PLXNC1: variants seen among roughly 807,000 people sequenced by gnomAD.
PLXNC1 encodes the protein plexin-C1.
PLXNC1 carries 75 observed loss-of-function variants against 178.2 expected under a neutral mutation model. The ratio of observed to expected loss-of-function variants is 0.42; its 90% CI spans 0.35 to 0.51. The LOEUF (loss-of-function observed/expected upper bound fraction) is 0.51. PLXNC1 is among the 20% of genes least tolerant of loss of function. The pLI is 0.02. For synonymous variants in PLXNC1, 790 were observed against 779.9 expected, an observed-to-expected ratio of 1.01 and a Z score of -0.22; for missense variants, 1,503 against 1,984.4, an observed-to-expected ratio of 0.76 and a Z score of 4.61.
intron 24 of PLXNC1, 103 bp downstream of exon 24, chr12:94,294,643 T>C (rs1486326409): frequency 1.6e-6 from 1 of 607,960 alleles, no homozygotes; most frequent in Non-Finnish European, 3.1e-6. Context: ...GATTGAGTTG[T>C]TGCTATGTAA....
In PLXNC1 at chr12:94,185,782, A is replaced by G. The variant is rs549717678; in HGVS notation, c.1339-591A>G. On this transcript the variant is annotated intron_variant, in intron 3 of 30. Coordinates refer to ENST00000258526, the MANE Select transcript of PLXNC1 (RefSeq NM_005761.3). ...CATTGAGTGCCAAACTCCTGCTGAC[A>G]CTCCTGGGGCAGAGCCTTTGTTATT... Among the ~76,000 whole-genome samples, 133 of 151,976 alleles carry G rather than the reference A, an allele frequency of 8.8e-4. 2 individuals carry two copies. The highest frequency in any genetic ancestry group is 3.0e-3 in the African/African-American group (126 of 41,418).
intron 5 of PLXNC1, among the ~76,000 whole-genome samples, chr12:94,212,928 C>T (rs1299984099): frequency 6.6e-6 from 1 of 152,046 alleles, no homozygotes; most frequent in Admixed American, 6.6e-5. Context: ...ACCGTGTTGG[C>T]CAAGATGGTC....
rs1160017485 is a variant in PLXNC1, at chr12:94,251,515, G to T, written c.2868G>T (p.Val956=). ...YFLIVLPVLL[V]IVIFAAVGVT... ...TGATTGTGCTCCCTGTCTTGCTAGTGATTGTCATTTTTGGTAAGTGCCCTG... is the reference window on the plus strand; with the variant it reads ...TGATTGTGCTCCCTGTCTTGCTAGTTATTGTCATTTTTGGTAAGTGCCCTG... The change falls in exon 15 of 31, where the codon GTG becomes GTT. Residue 956 remains valine, a synonymous_variant. Coordinates refer to ENST00000258526, the MANE Select transcript of PLXNC1 (RefSeq NM_005761.3). The T allele has an allele frequency of 1.9e-6, 3 of 1,605,944 alleles. No homozygotes were observed. In the South Asian group the frequency reaches 3.3e-5, roughly 18 times the overall value.
chr12:94,204,588 C>G (rs995989029), intron 4 of PLXNC1, among the ~76,000 whole-genome samples: 7 of 152,194 alleles, frequency 4.6e-5, no homozygotes, highest in Non-Finnish European at 7.4e-5. Context: ...AGTCTGGAGG[C>G]CTTTCATTTG....
intron 22 of PLXNC1, 193 bp downstream of exon 22, chr12:94,279,842 G>C (rs141975647): frequency 2.9e-6 from 2 of 700,540 alleles, no homozygotes; most frequent in African/African-American, 3.5e-5. Flanking sequence ...CTGATTCTTC[G>C]AAGGAAGCAC....
Position 94,243,970 on chromosome 12 carries a change from A to G in PLXNC1, c.2333A>G (p.Asn778Ser), listed in dbSNP as rs146482247. 6.2e-7 allele frequency: 1 copy of G among 1,600,806 alleles called. No homozygotes were observed. Among genetic ancestry groups the G allele is most frequent in the Non-Finnish European group, 8.6e-7 (1 of 1,169,170 alleles). Residue 778 changes from asparagine (N) to serine (S), a missense_variant, in exon 12 of 31, where the codon AAT (asparagine) becomes AGT (serine). Coordinates refer to ENST00000258526, the MANE Select transcript of PLXNC1 (RefSeq NM_005761.3). ...GGQNITMMGR[N>S]FDVIDNLIIS... Reference sequence around the variant, plus strand: ...CAAAATATAACCATGATGGGCAGAAATTTTGATGTAATTGACAACTTAATC... The same window carrying G: ...CAAAATATAACCATGATGGGCAGAAGTTTTGATGTAATTGACAACTTAATC...
chr12:94,149,958 C>T lies in PLXNC1; in HGVS notation c.987C>T (p.Cys329=). 5 of 1,590,680 alleles carry T rather than the reference C, an allele frequency of 3.1e-6. No individual in the cohort carries two copies. The highest frequency in any genetic ancestry group is 4.3e-6 in the Non-Finnish European group (5 of 1,169,618). Residue 329 remains cysteine, a synonymous_variant, in exon 1 of 31, where the codon TGC becomes TGT. Transcript: ENST00000258526. ...GCTCCCCCACCACCACGGCGCTCTG[C>T]CTCTTCAGAATGAGTGAGATCCAGG... is the stretch of plus-strand genomic sequence containing the variant. ...ERRSPTTTAL[C]LFRMSEIQAR...
At chr12:94,285,656 G>A (rs573161152) in intron 23 of PLXNC1, among the ~76,000 whole-genome samples, 1 of 152,236 alleles carries the variant, frequency 6.6e-6, no homozygotes, top group African/African-American at 2.4e-5. Flanking sequence ...GGAAAAACAC[G>A]GCCCCAGAGG....
At chr12:94,263,106 G>A (rs955211046) in intron 20 of PLXNC1, among the ~76,000 whole-genome samples, 1 of 152,176 alleles carries the variant, frequency 6.6e-6, no homozygotes, top group Non-Finnish European at 1.5e-5. Flanking sequence ...AGCGGCTGTG[G>A]CTCGCCTAAA....
chr12:94,207,777 G>A (rs1198745294), intron 4 of PLXNC1, among the ~76,000 whole-genome samples: 1 of 152,182 alleles, frequency 6.6e-6, no homozygotes, highest in Non-Finnish European at 1.5e-5. Context: ...TGGCACTACT[G>A]TTTTCTGCCT....
chr12:94,152,347 T>C (rs571772551), intron 1 of PLXNC1, among the ~76,000 whole-genome samples: 1 of 152,336 alleles, frequency 6.6e-6, no homozygotes, highest in Admixed American at 6.5e-5. Context: ...GATACTCAAT[T>C]CAACAAATAT....
chr12:94,253,159 C>T (rs901388088), intron 15 of PLXNC1, among the ~76,000 whole-genome samples: 6 of 127,976 alleles, frequency 4.7e-5, no homozygotes, highest in Admixed American at 1.1e-4. Context: ...TGCAGTGAGC[C>T]GAGATCGTGC....
intron 4 of PLXNC1, among the ~76,000 whole-genome samples, chr12:94,197,084 G>C (rs1962942684): frequency 1.3e-5 from 2 of 152,130 alleles, no homozygotes; most frequent in African/African-American, 4.8e-5. Flanking sequence ...CTTGGCTCAT[G>C]GTCCCTTCCT....
intron 6 of PLXNC1, among the ~76,000 whole-genome samples, chr12:94,223,713 A>G (rs1963857725): frequency 1.3e-5 from 2 of 152,228 alleles, no homozygotes; most frequent in Admixed American, 1.3e-4. Context: ...GAAAACCTTT[A>G]TCACAGATTT....
chr12:94,302,590 A>C (rs1968571766), intron 28 of PLXNC1, among the ~76,000 whole-genome samples: 1 of 152,202 alleles, frequency 6.6e-6, no homozygotes, highest in South Asian at 2.1e-4. Context: ...TATGTTCTTG[A>C]CACACTTCAC....
In PLXNC1 at chr12:94,254,743, T is replaced by C. The variant is rs878865662; in HGVS notation, c.2882-44T>C. The C allele has an allele frequency of 4.2e-6, 6 of 1,443,030 alleles. No individual in the cohort carries two copies. In the South Asian group the frequency reaches 7.8e-5, roughly 19 times the overall value. 89.4% of individuals were successfully genotyped at this position (1,443,030 alleles called of 1,614,324 possible). A position where few individuals can be genotyped will look rare whatever the true frequency, so the allele number is the denominator to read the frequency against. ...TTGCTATTTGTTTTCATTTTTGGTTTTTGAGTTACCATGTCCCTCTGATGC... is the reference window on the plus strand; with the variant it reads ...TTGCTATTTGTTTTCATTTTTGGTTCTTGAGTTACCATGTCCCTCTGATGC... On this transcript the variant is annotated intron_variant, in intron 15 of 30. Transcript: ENST00000258526.
chr12:94,227,098 A>G, intron 8 of PLXNC1, 51 bp from the exon 9 acceptor site: 1 of 1,144,192 alleles, frequency 8.7e-7, no homozygotes. Flanking sequence ...TTTGTTGCAC[A>G]CTTTGAATTT....
chr12:94,218,244 G>C (rs1174479339), intron 5 of PLXNC1, among the ~76,000 whole-genome samples: 1 of 152,170 alleles, frequency 6.6e-6, no homozygotes, highest in Non-Finnish European at 1.5e-5. Context: ...TCCAGGTGAA[G>C]TGGACTGAAA....
At chr12:94,251,592 A>G in intron 15 of PLXNC1, 64 bp downstream of exon 15, 1 of 1,033,624 alleles carries the variant, frequency 9.7e-7, no homozygotes, top group Non-Finnish European at 1.5e-6. Context: ...GGGCAGGCAG[A>G]CTTTCAGCTT....
Sources: allele counts gnomAD v4.1 joint callset (sites outside exome capture counted in the v4.1 genomes callset), GRCh38; gene constraint gnomAD v4.1.1; transcripts MANE v1.5; gene names NCBI Gene and HGNC (gene_info 2026-07-23, HGNC 2026-07-21).